The following WDHD1 variants were observed in gnomAD, a reference collection of about 807,000 sequenced individuals.
WDHD1 encodes WD repeat and HMG-box DNA-binding protein 1.
Under a neutral mutation model 135.4 loss-of-function variants are expected in WDHD1, and 111 were observed. That is an observed-to-expected ratio of 0.82 (90% CI 0.70 to 0.96). The LOEUF is 0.96. Ranked by LOEUF, WDHD1 falls within the 40% of genes least tolerant of loss-of-function variation. The pLI, the probability that WDHD1 is intolerant of heterozygous loss-of-function variation, is 0.00. For synonymous variants in WDHD1, 434 were observed against 439.0 expected, an observed-to-expected ratio of 0.99 and a Z score of 0.14; for missense variants, 1,351 against 1,336.3, an observed-to-expected ratio of 1.01 and a Z score of -0.17.
At chr14:54,972,500 C>T (rs941436663) in intron 16 of WDHD1, among the ~76,000 whole-genome samples, 4 of 125,968 alleles carry the variant, frequency 3.2e-5, no homozygotes, top group African/African-American at 1.2e-4. Context: ...ATCTCTTGAA[C>T]CTGGGAAATT....
intron 25 of WDHD1, among the ~76,000 whole-genome samples, chr14:54,942,807 T>C (rs1170054568): frequency 6.6e-6 from 1 of 152,208 alleles, no homozygotes; most frequent in Non-Finnish European, 1.5e-5. Context: ...ATTAACAAAC[T>C]GGATTTAAGT....
At chr14:54,986,415 G>A (rs1000211846) in intron 14 of WDHD1, among the ~76,000 whole-genome samples, 3 of 151,960 alleles carry the variant, frequency 2.0e-5, no homozygotes, top group Non-Finnish European at 2.9e-5. Context: ...CAACTCTCCC[G>A]CCTCGGCCTC....
chr14:55,025,365 T>C (rs1431174670), intron 2 of WDHD1, among the ~76,000 whole-genome samples: 1 of 151,492 alleles, frequency 6.6e-6, no homozygotes, highest in African/African-American at 2.4e-5. Flanking sequence ...GGCGGGATCC[T>C]CCATATGCTG....
In WDHD1 at chr14:55,022,874, G is replaced by C. The variant is rs1368252287; in HGVS notation, c.77+3837C>G. ...AGTTTCGCTCTTGATCCCCAGGCTG[G>C]AGTGCAATGGCATAATCTTGGCTCA... On this transcript the variant is annotated intron_variant, in intron 2 of 25. Transcript: ENST00000360586. 3.4e-5 allele frequency among the ~76,000 whole-genome samples: 5 copies of C among 149,216 alleles called. No individual in the cohort carries two copies. In the East Asian group the frequency reaches 8.0e-4, roughly 24 times the overall value.
chr14:54,941,379 G>T lies in WDHD1; in HGVS notation c.*111C>A. ...CATTATCTTATAAAGACAAACAGTT[G>T]CTTCAAACTCTTTAAAAAATATATA... On this transcript the variant is annotated 3_prime_UTR_variant, in exon 26 of 26. Coordinates refer to ENST00000360586, the MANE Select transcript of WDHD1 (RefSeq NM_007086.4). 1.2e-6 allele frequency: 1 copy of T among 858,532 alleles called. No individual in the cohort carries two copies. 53.2% of individuals were successfully genotyped at this position (858,532 alleles called of 1,614,324 possible). A position where few individuals can be genotyped will look rare whatever the true frequency, so the allele number is the denominator to read the frequency against.
intron 10 of WDHD1, among the ~76,000 whole-genome samples, chr14:54,998,654 T>C (rs975425855): frequency 6.6e-6 from 1 of 152,158 alleles, no homozygotes; most frequent in African/African-American, 2.4e-5. Flanking sequence ...CTTTTAATCA[T>C]TGTGTTTAAC....
At chr14:54,985,499 G>A (rs573150600) in intron 14 of WDHD1, among the ~76,000 whole-genome samples, 12 of 152,310 alleles carry the variant, frequency 7.9e-5, no homozygotes, top group Admixed American at 6.5e-4. Flanking sequence ...AGATGAGGTT[G>A]GAGAGGCAGG....
chr14:54,972,546 A>G (rs1325692176), intron 16 of WDHD1, among the ~76,000 whole-genome samples: 2 of 134,008 alleles, frequency 1.5e-5, no homozygotes, highest in Admixed American at 8.1e-5. Flanking sequence ...ATAAAGCAAG[A>G]CTGTCACAAA....
intron 2 of WDHD1, among the ~76,000 whole-genome samples, chr14:55,025,615 C>T (rs1057448923): frequency 1.1e-4 from 17 of 152,254 alleles, no homozygotes; most frequent in African/African-American, 3.1e-4. Context: ...CTCTCTGCTT[C>T]AAGCCTTTAA....
Position 54,941,244 on chromosome 14 carries a change from T to C in WDHD1, c.*246A>G, listed in dbSNP as rs1379925878. ...CAAATTGGTTGGAGCTTCAACTCAG[T>C]AATTACAATCACAATGCATCTCTGA... On this transcript the variant is annotated 3_prime_UTR_variant, in exon 26 of 26. Coordinates refer to ENST00000360586, the MANE Select transcript of WDHD1 (RefSeq NM_007086.4). 6.3e-6 allele frequency: 2 copies of C among 315,234 alleles called. No homozygotes were observed. The highest frequency in any genetic ancestry group is 1.7e-4 in the South Asian group (2 of 11,686). 19.5% of individuals were successfully genotyped at this position (315,234 alleles called of 1,614,324 possible).
At chr14:54,972,215 C>A (rs959670935) in intron 16 of WDHD1, among the ~76,000 whole-genome samples, 2 of 147,424 alleles carry the variant, frequency 1.4e-5, no homozygotes, top group South Asian at 4.3e-4. Context: ...GCGGAGCTTG[C>A]GGTGAGCCGA....
rs144537572 is a variant in WDHD1 at position 54,948,126 on chromosome 14, G to A, written c.3051-3656C>T. On this transcript the variant is annotated intron_variant, in intron 24 of 25. Coordinates refer to ENST00000360586, the MANE Select transcript of WDHD1 (RefSeq NM_007086.4). ...TCAGCCTACAGCTCCCAGCATGAGC[G>A]ATGCAGAAGACGGGTGATTTCTGCA... 6.4e-3 allele frequency among the ~76,000 whole-genome samples: 974 copies of A among 152,126 alleles called. 12 individuals carry two copies. Among genetic ancestry groups the A allele is most frequent in the African/African-American group, 0.022 (907 of 41,550 alleles).
intron 24 of WDHD1, among the ~76,000 whole-genome samples, chr14:54,947,946 T>C (rs1405857795): frequency 6.6e-6 from 1 of 151,450 alleles, no homozygotes; most frequent in African/African-American, 2.4e-5. Context: ...CCAGGAGTGG[T>C]GGCTCACACC....
chr14:54,983,035 G>C (rs1227750866), intron 15 of WDHD1, among the ~76,000 whole-genome samples: 2 of 152,032 alleles, frequency 1.3e-5, no homozygotes, highest in Non-Finnish European at 2.9e-5. Flanking sequence ...GTGGTGGTAT[G>C]TGCCTGTAGT....
At chr14:54,948,227 C>T (rs979045836) in intron 24 of WDHD1, among the ~76,000 whole-genome samples, 45 of 152,138 alleles carry the variant, frequency 3.0e-4, no homozygotes, top group South Asian at 4.1e-4. Flanking sequence ...TGTGGCACAC[C>T]GAGTGTGAGC....
At chr14:54,944,204 C>T (rs1414673539) in intron 25 of WDHD1, 128 bp downstream of exon 25, 29 of 1,164,826 alleles carry the variant, frequency 2.5e-5, no homozygotes, top group Non-Finnish European at 2.0e-5. Context: ...TCAAGTGATC[C>T]GCCTCGACCT....
chr14:55,010,557 T>A, intron 3 of WDHD1, 97 bp from the exon 4 acceptor site: 2 of 1,087,656 alleles, frequency 1.8e-6, no homozygotes, highest in Non-Finnish European at 2.4e-6. Flanking sequence ...CAAAAAACCT[T>A]AAAAATCTAG....
chr14:54,962,502 C>A lies in WDHD1; in HGVS notation c.2697G>T (p.Lys899Asn). 6.2e-7 allele frequency: 1 copy of A among 1,608,592 alleles called. No individual in the cohort carries two copies. Among genetic ancestry groups the A allele is most frequent in the Non-Finnish European group, 8.5e-7 (1 of 1,176,714 alleles). The change falls in exon 21 of 26, where the codon AAG (lysine) becomes AAT (asparagine). Residue 899 changes from lysine (K) to asparagine (N), a missense_variant. Coordinates refer to ENST00000360586, the MANE Select transcript of WDHD1 (RefSeq NM_007086.4). ...AAATTTATAAATATTTCTCACCTGA[C>A]TTAGCTGAAACATCAGAGGAATTTG... ...KSTNSSDVSA[K>N]SGAVTFSSQG...
At position 54,963,272 on chromosome 14, in the gene WDHD1, G is replaced by C. The variant is rs2041286931; in HGVS notation, c.2311-100C>G. ...GTAAAACTGAGACAATAGTTTTCTA[G>C]CTACTCTATCTCCCTAATTCTAAGA... On this transcript the variant is annotated intron_variant, in intron 18 of 25. Coordinates refer to ENST00000360586, the MANE Select transcript of WDHD1 (RefSeq NM_007086.4). 15 of 896,546 alleles carry C rather than the reference G, an allele frequency of 1.7e-5. No individual in the cohort carries two copies. The South Asian group carries it at 2.5e-4, about 15-fold the overall frequency. 55.5% of individuals were successfully genotyped at this position (896,546 alleles called of 1,614,324 possible). A position where few individuals can be genotyped will look rare whatever the true frequency, so the allele number is the denominator to read the frequency against.
Sources: gnomAD v4.1 joint callset for allele counts (sites outside exome capture counted in the v4.1 genomes callset) on GRCh38, gnomAD v4.1.1 for gene constraint, MANE v1.5 for transcripts, NCBI Gene and HGNC (gene_info 2026-07-23, HGNC 2026-07-21) for gene names.